The following KIZ variants were observed in gnomAD, a reference collection of about 807,000 sequenced individuals.
The protein encoded by KIZ is centrosomal protein kizuna.
Under a neutral mutation model 79.6 loss-of-function variants are expected in KIZ, and 68 were observed. The observed-to-expected ratio is 0.85, with a 90% CI of 0.70 to 1.05. KIZ has a LOEUF of 1.05. Ranked by LOEUF, KIZ falls within the 50% of genes least tolerant of loss-of-function variation. KIZ has a pLI of 0.00. For missense variants in KIZ, 797 were observed against 800.4 expected, an observed-to-expected ratio of 1.00 and a Z score of 0.05; for synonymous variants, 280 against 281.8, an observed-to-expected ratio of 0.99 and a Z score of 0.06.
chr20:21,228,487 C>T (rs973675426), intron 9 of KIZ, among the ~76,000 whole-genome samples: 2 of 152,192 alleles, frequency 1.3e-5, no homozygotes, highest in African/African-American at 4.8e-5. Flanking sequence ...GTTCTCGCTC[C>T]TTCCCCATGG....
At chr20:21,193,776 G>A (rs1175826709) in intron 6 of KIZ, among the ~76,000 whole-genome samples, 2 of 146,510 alleles carry the variant, frequency 1.4e-5, no homozygotes, top group African/African-American at 5.0e-5. Context: ...AACACCGCAT[G>A]TTCTCACTCA....
intron 6 of KIZ, among the ~76,000 whole-genome samples, chr20:21,187,064 G>C (rs1205233624): frequency 2.6e-5 from 4 of 151,784 alleles, no homozygotes; most frequent in Non-Finnish European, 5.9e-5. Context: ...ATGTTTATTG[G>C]AGCATTTCAG....
chr20:21,241,190 A>G (rs2037203976), intron 11 of KIZ, among the ~76,000 whole-genome samples: 1 of 152,240 alleles, frequency 6.6e-6, no homozygotes, highest in African/African-American at 2.4e-5. Context: ...CACAATAGAA[A>G]GTTCTCAGGC....
At chr20:21,175,829 A>G (rs905328066) in intron 6 of KIZ, among the ~76,000 whole-genome samples, 2 of 152,176 alleles carry the variant, frequency 1.3e-5, no homozygotes, top group Non-Finnish European at 2.9e-5. Flanking sequence ...AGCCTGACCA[A>G]TATGGTGAAA....
At chr20:21,194,717 T>G (rs1436778562) in intron 6 of KIZ, 2 of 152,102 alleles carry the variant, frequency 1.3e-5, no homozygotes, top group African/African-American at 4.8e-5. Flanking sequence ...CAGCCAGGTG[T>G]GGTGGCTCAT....
chr20:21,182,139 G>A (rs372283210), intron 6 of KIZ, among the ~76,000 whole-genome samples: 1 of 152,160 alleles, frequency 6.6e-6, no homozygotes. Flanking sequence ...TTGGAGAAGG[G>A]ACCTTTGGGA....
chr20:21,177,187 T>C (rs1409977656), intron 6 of KIZ, among the ~76,000 whole-genome samples: 1 of 152,222 alleles, frequency 6.6e-6, no homozygotes, highest in Non-Finnish European at 1.5e-5. Context: ...TACTGTTTTC[T>C]ATTTTACACT....
intron 6 of KIZ, among the ~76,000 whole-genome samples, chr20:21,199,272 C>A (rs139938019): frequency 6.6e-6 from 1 of 152,182 alleles, no homozygotes; most frequent in Admixed American, 6.5e-5. Context: ...GACTATTGAT[C>A]TACAGTTATG....
intron 6 of KIZ, among the ~76,000 whole-genome samples, chr20:21,185,532 C>G (rs989704285): frequency 6.6e-6 from 1 of 151,016 alleles, no homozygotes; most frequent in Non-Finnish European, 1.5e-5. Context: ...GCCTCAGCCT[C>G]CCGAGTAGCT....
intron 9 of KIZ, among the ~76,000 whole-genome samples, chr20:21,222,805 C>G (rs1268998611): frequency 2.0e-5 from 3 of 152,076 alleles, no homozygotes; most frequent in Admixed American, 6.5e-5. Flanking sequence ...GATTTAGGGG[C>G]CACTGTAAAT....
intron 6 of KIZ, among the ~76,000 whole-genome samples, chr20:21,188,642 CATAA>C (rs1036199354): frequency 6.6e-6 from 1 of 151,384 alleles, no homozygotes; most frequent in African/African-American, 2.4e-5. Flanking sequence ...TAGCTGGCTC[CATAA>C]TAAGCCCTGG....
chr20:21,221,289 G>A (rs2036494257), intron 9 of KIZ, among the ~76,000 whole-genome samples: 1 of 152,162 alleles, frequency 6.6e-6, no homozygotes, highest in African/African-American at 2.4e-5. Context: ...TAAAAATACA[G>A]CACCTAGCAC....
At chr20:21,134,434 A>G (rs1186053161) in intron 2 of KIZ, among the ~76,000 whole-genome samples, 1 of 152,156 alleles carries the variant, frequency 6.6e-6, no homozygotes, top group Non-Finnish European at 1.5e-5. Context: ...TTCTTCTGTC[A>G]AATGGGAACA....
chr20:21,234,180 A>G (rs1227647723), intron 11 of KIZ, among the ~76,000 whole-genome samples: 1 of 152,216 alleles, frequency 6.6e-6, no homozygotes, highest in African/African-American at 2.4e-5. Flanking sequence ...TGGATTTTGT[A>G]AAACATTTCT....
chr20:21,196,325 A>C (rs932954220), intron 6 of KIZ: 1 of 152,510 alleles, frequency 6.6e-6, no homozygotes, highest in Non-Finnish European at 1.5e-5. Context: ...CCTTCTCTCT[A>C]AAACCTGCCT....
At chr20:21,193,294 T>G (rs1424815849) in intron 6 of KIZ, among the ~76,000 whole-genome samples, 1 of 152,154 alleles carries the variant, frequency 6.6e-6, no homozygotes, top group Non-Finnish European at 1.5e-5. Context: ...ACCAAAAAGA[T>G]AACACTGGCA....
chr20:21,130,684 C>T (rs1323539422), intron 1 of KIZ, among the ~76,000 whole-genome samples: 1 of 151,676 alleles, frequency 6.6e-6, no homozygotes, highest in Non-Finnish European at 1.5e-5. Flanking sequence ...GGTTGTGTTC[C>T]CCAAGTGAAG....
chr20:21,229,344 C>G (rs540819147), intron 10 of KIZ, among the ~76,000 whole-genome samples: 1 of 152,354 alleles, frequency 6.6e-6, no homozygotes, highest in East Asian at 1.9e-4. Context: ...CCCTTCCAGG[C>G]CCTGGATTCT....
rs183136126 is a variant in KIZ, at chr20:21,162,462, A to C, written c.997A>C (p.Asn333His). The C allele has an allele frequency of 5.5e-5, 88 of 1,613,632 alleles. No homozygotes were observed. In the African/African-American group the frequency reaches 1.1e-3, roughly 21 times the overall value. Residue 333 changes from asparagine to histidine, a missense_variant, in exon 5 of 13, where the codon AAT becomes CAT. Physicochemically the swap from Asn to His is moderately conservative, Grantham distance 68. Transcript: ENST00000619189. Reference sequence around the variant, plus strand: ...AGTTTCAGAATACTGTGAATCTGAAAATAAGTGGTCTCAAGAGAAGCATTC... The same window carrying C: ...AGTTTCAGAATACTGTGAATCTGAACATAAGTGGTCTCAAGAGAAGCATTC... The part of the protein sequence containing the change: ...IPVSEYCESE[N>H]KWSQEKHSPW...
Sources: allele counts gnomAD v4.1 joint callset (sites outside exome capture counted in the v4.1 genomes callset), GRCh38; gene constraint gnomAD v4.1.1; transcripts MANE v1.5; gene names NCBI Gene and HGNC (gene_info 2026-07-23, HGNC 2026-07-21).